Variants in DNM3 observed in about 807,000 individuals in gnomAD.
DNM3 encodes dynamin-3.
DNM3 carries 47 observed loss-of-function variants against 101.6 expected under a neutral mutation model. The ratio of observed to expected loss-of-function variants is 0.46; its 90% CI spans 0.37 to 0.59. DNM3 has a LOEUF of 0.59. Ranked by LOEUF, DNM3 falls within the 20% of genes least tolerant of loss-of-function variation. DNM3 has a pLI of 0.00. For synonymous variants in DNM3, 385 were observed against 387.9 expected (o/e 0.99, Z 0.09); for missense variants, 849 against 1,085.7 (o/e 0.78, Z 3.06).
intron 2 of DNM3, among the ~76,000 whole-genome samples, chr1:171,981,049 G>A (rs558979079): frequency 6.6e-6 from 1 of 152,268 alleles, no homozygotes; most frequent in East Asian, 1.9e-4. Flanking sequence ...TTATAGGCGT[G>A]AGCCACCGTG....
chr1:171,986,076 G>C (rs1247605427), intron 2 of DNM3, among the ~76,000 whole-genome samples: 2 of 152,082 alleles, frequency 1.3e-5, no homozygotes, highest in African/African-American at 4.8e-5. Context: ...ATAGTGGATG[G>C]GTCCGAGCAG....
intron 15 of DNM3, among the ~76,000 whole-genome samples, chr1:172,302,160 C>T (rs1200140357): frequency 6.6e-6 from 1 of 152,218 alleles, no homozygotes; most frequent in Non-Finnish European, 1.5e-5. Flanking sequence ...ATGGGACATT[C>T]CCGACTAAAT....
chr1:171,956,182 A>G (rs1445390347), intron 2 of DNM3, among the ~76,000 whole-genome samples: 1 of 152,138 alleles, frequency 6.6e-6, no homozygotes, highest in Non-Finnish European at 1.5e-5. Context: ...GTCTTAACTC[A>G]TGTCAGCATT....
chr1:172,046,354 A>G (rs568572012), intron 9 of DNM3, among the ~76,000 whole-genome samples: 227 of 152,286 alleles, frequency 1.5e-3, no homozygotes, highest in African/African-American at 5.1e-3. Flanking sequence ...GAATTGAATA[A>G]TGAGAACACA....
At chr1:172,354,110 T>TGAGAGCGAGAGA (rs1445200263) in intron 17 of DNM3, among the ~76,000 whole-genome samples, 1 of 52,512 alleles carries the variant, frequency 1.9e-5, no homozygotes, top group East Asian at 1.5e-3. Flanking sequence ...TGTGTGTGTG[T>TGAGAGCGAGAGA]GTGAGAGAGA....
intron 1 of DNM3, among the ~76,000 whole-genome samples, chr1:171,900,263 C>A (rs2038189353): frequency 6.6e-6 from 1 of 151,788 alleles, no homozygotes; most frequent in South Asian, 2.1e-4. Context: ...TGTGATATAT[C>A]GATATAACAA....
chr1:172,124,837 G>A (rs1230509976), intron 13 of DNM3, among the ~76,000 whole-genome samples: 1 of 152,294 alleles, frequency 6.6e-6, no homozygotes, highest in East Asian at 1.9e-4. Context: ...TATAAAATTA[G>A]GAAATCTAGT....
chr1:172,075,075 A>G (rs1388729224), intron 11 of DNM3, among the ~76,000 whole-genome samples: 1 of 151,958 alleles, frequency 6.6e-6, no homozygotes, highest in Admixed American at 6.6e-5. Flanking sequence ...ACCAGTGATG[A>G]TGAGCTTTTT....
At chr1:172,252,450 A>G (rs1029706498) in intron 14 of DNM3, among the ~76,000 whole-genome samples, 2 of 152,174 alleles carry the variant, frequency 1.3e-5, no homozygotes, top group Admixed American at 6.6e-5. Context: ...TGTAGGAACA[A>G]AAGGATTTAT....
intron 1 of DNM3, among the ~76,000 whole-genome samples, chr1:171,858,107 T>C (rs1037015162): frequency 6.6e-6 from 1 of 152,184 alleles, no homozygotes; most frequent in Non-Finnish European, 1.5e-5. Context: ...TATTTTGTTA[T>C]GGTAGCCTGA....
intron 17 of DNM3, among the ~76,000 whole-genome samples, chr1:172,332,072 A>G (rs1354783852): frequency 6.6e-6 from 1 of 152,178 alleles, no homozygotes. Flanking sequence ...GACAATGGGT[A>G]CATGTTAGTG....
chr1:172,329,621 T>A (rs2066096640), intron 17 of DNM3, among the ~76,000 whole-genome samples: 1 of 152,104 alleles, frequency 6.6e-6, no homozygotes, highest in South Asian at 2.1e-4. Context: ...TTAAACTACA[T>A]ACAAATTTAA....
chr1:171,945,762 G>A (rs535608561), intron 2 of DNM3, among the ~76,000 whole-genome samples: 3 of 152,146 alleles, frequency 2.0e-5, no homozygotes, highest in Non-Finnish European at 2.9e-5. Context: ...GGGGATTGGC[G>A]TGGGATGTTG....
chr1:172,337,859 T>C (rs931997168), intron 17 of DNM3, among the ~76,000 whole-genome samples: 1 of 147,562 alleles, frequency 6.8e-6, no homozygotes, highest in African/African-American at 2.5e-5. Flanking sequence ...TATTTTATTT[T>C]ATTTTATTTT....
intron 14 of DNM3, among the ~76,000 whole-genome samples, chr1:172,156,367 G>T (rs537432104): frequency 1.6e-4 from 24 of 152,172 alleles, no homozygotes; most frequent in African/African-American, 5.8e-4. Context: ...TCCTGGACCA[G>T]GCTCTGTAGT....
At chr1:172,034,185 T>C (rs551758741) in intron 6 of DNM3, among the ~76,000 whole-genome samples, 32 of 152,168 alleles carry the variant, frequency 2.1e-4, no homozygotes, top group Non-Finnish European at 3.8e-4. Context: ...AATTATGTTA[T>C]AATTCCATTT....
chr1:172,390,000 G>A (rs1482513641), intron 20 of DNM3, among the ~76,000 whole-genome samples: 1 of 152,142 alleles, frequency 6.6e-6, no homozygotes, highest in Non-Finnish European at 1.5e-5. Flanking sequence ...ACTCAATAAG[G>A]TTGTTCCCCA....
intron 15 of DNM3, among the ~76,000 whole-genome samples, chr1:172,256,864 A>G (rs1298768460): frequency 1.3e-5 from 2 of 150,420 alleles, no homozygotes; most frequent in Non-Finnish European, 3.0e-5. Flanking sequence ...GAAATTTAAC[A>G]ATTTTATTAC....
intron 14 of DNM3, among the ~76,000 whole-genome samples, chr1:172,153,457 A>G (rs74126015): frequency 0.026 from 3,897 of 152,230 alleles, 166 homozygotes; most frequent in African/African-American, 0.088. Flanking sequence ...TTAATTTCCC[A>G]TACTTCAATA....
Sources: allele counts gnomAD v4.1 joint callset (sites outside exome capture counted in the v4.1 genomes callset), GRCh38; gene constraint gnomAD v4.1.1; transcripts MANE v1.5; gene names NCBI Gene and HGNC (gene_info 2026-07-23, HGNC 2026-07-21).